Variants in KCNMA1 observed in about 807,000 individuals in gnomAD.
The protein encoded by KCNMA1 is potassium calcium-activated channel subfamily M alpha 1, also known as Calcium-activated potassium channel subunit alpha-1.
KCNMA1 carries 29 observed loss-of-function variants against 140.0 expected under a neutral mutation model. The observed-to-expected ratio is 0.21, with a 90% confidence interval of 0.15 to 0.28. The LOEUF (loss-of-function observed/expected upper bound fraction) is 0.28, where lower values mean the gene tolerates loss of function less well. Ranked by LOEUF, KCNMA1 falls within the 10% of genes least tolerant of loss-of-function variation. KCNMA1 has a pLI of 1.00. For missense variants in KCNMA1, 880 were observed against 1,602.2 expected (o/e 0.55, Z 7.70); for synonymous variants, 612 against 611.9 (o/e 1.00, Z 0.00).
chr10:77,519,057 A>G (rs1316281805), intron 1 of KCNMA1, among the ~76,000 whole-genome samples: 1 of 152,220 alleles, frequency 6.6e-6, no homozygotes, highest in African/African-American at 2.4e-5. Flanking sequence ...AGACAGTGCC[A>G]TTGGCTCCGT....
At chr10:77,141,113 G>T (rs913025310) in intron 5 of KCNMA1, among the ~76,000 whole-genome samples, 2 of 152,008 alleles carry the variant, frequency 1.3e-5, no homozygotes, top group African/African-American at 4.8e-5. Context: ...ACCCAAATAC[G>T]CAAATCCTCT....
chr10:76,988,546 C>T (rs568229241), intron 19 of KCNMA1, among the ~76,000 whole-genome samples: 2 of 152,174 alleles, frequency 1.3e-5, no homozygotes, highest in South Asian at 4.2e-4. Flanking sequence ...ACAATAACAA[C>T]AGAAAAAGAT....
At chr10:77,608,271 C>T (rs1299670878) in intron 1 of KCNMA1, among the ~76,000 whole-genome samples, 1 of 152,170 alleles carries the variant, frequency 6.6e-6, no homozygotes, top group Non-Finnish European at 1.5e-5. Flanking sequence ...CTCCCAGGCT[C>T]AAGCAATCAT....
At chr10:77,618,049 C>T (rs1417862519) in intron 1 of KCNMA1, among the ~76,000 whole-genome samples, 1 of 152,154 alleles carries the variant, frequency 6.6e-6, no homozygotes, top group Non-Finnish European at 1.5e-5. Flanking sequence ...ACTTCCATAA[C>T]TACCCCTACA....
At chr10:76,962,678 A>C (rs1039568066) in intron 20 of KCNMA1, among the ~76,000 whole-genome samples, 1 of 152,162 alleles carries the variant, frequency 6.6e-6, no homozygotes, top group Non-Finnish European at 1.5e-5. Context: ...CGGCAATAAT[A>C]ATTTCCATGT....
chr10:77,554,049 A>G (rs1445021574), intron 1 of KCNMA1, among the ~76,000 whole-genome samples: 1 of 151,952 alleles, frequency 6.6e-6, no homozygotes, highest in Non-Finnish European at 1.5e-5. Context: ...CACTGGCAAC[A>G]CAGAGTGGAA....
intron 2 of KCNMA1, among the ~76,000 whole-genome samples, chr10:77,393,255 G>A (rs549041622): frequency 6.9e-6 from 1 of 144,276 alleles, no homozygotes; most frequent in South Asian, 2.3e-4. Flanking sequence ...GAAGATGTCT[G>A]GGTTTGGGGA....
intron 24 of KCNMA1, chr10:76,913,868 A>T (rs1418912141): frequency 1.8e-6 from 1 of 566,310 alleles, no homozygotes; most frequent in Non-Finnish European, 3.1e-6. Context: ...GTGGGGAAAA[A>T]ATCATTAAGA....
chr10:76,958,144 G>T (rs1271487211), intron 20 of KCNMA1, among the ~76,000 whole-genome samples: 1 of 152,200 alleles, frequency 6.6e-6, no homozygotes, highest in Admixed American at 6.5e-5. Flanking sequence ...TGGGCCGTTT[G>T]TTGTATGGAA....
intron 15 of KCNMA1, among the ~76,000 whole-genome samples, chr10:77,033,565 A>C (rs2094104086): frequency 6.6e-6 from 1 of 152,196 alleles, no homozygotes; most frequent in Non-Finnish European, 1.5e-5. Flanking sequence ...AGTGTGAACA[A>C]CTGCATTTTT....
intron 1 of KCNMA1, among the ~76,000 whole-genome samples, chr10:77,462,738 A>G (rs924871950): frequency 5.3e-5 from 8 of 152,178 alleles, no homozygotes; most frequent in Non-Finnish European, 1.2e-4. Flanking sequence ...GAACACAACT[A>G]GTGCTCACGT....
chr10:77,637,612 T>TGCC lies in KCNMA1; in HGVS notation c.28_30dup (p.Gly10dup), dbSNP rs750804948. The TGCC allele has an allele frequency of 8.1e-5, 123 of 1,520,990 alleles. 1 individual carries two copies. The highest frequency in any genetic ancestry group is 5.5e-4 in the South Asian group (45 of 82,508). 94.2% of individuals were successfully genotyped at this position (1,520,990 alleles called of 1,614,324 possible). The stretch of plus-strand genomic sequence containing the variant: ...CCGCCGCCGCCGCCGCCGCCGCTGC[T>TGCC]GCCGCCGCCGCCGCCGCCACCATTT... On this transcript the variant is annotated inframe_insertion, in exon 1 of 28. Transcript: ENST00000286628.
At position 77,053,201 on chromosome 10, in the gene KCNMA1, G is replaced by A. The variant is rs185060586; in HGVS notation, c.1750-13564C>T. Among the ~76,000 whole-genome samples the A allele has an allele frequency of 2.2e-4, 34 of 152,264 alleles. No homozygotes were observed. The East Asian group carries it at 6.4e-3, about 29-fold the overall frequency. On this transcript the variant is annotated intron_variant, in intron 14 of 27. Coordinates refer to ENST00000286628, the MANE Select transcript of KCNMA1 (RefSeq NM_001161352.2). ...TCACCTGTCCCATGAGCAAGTTCAAGTCAATAATACATGTCTATCCACTGA... is the reference window on the plus strand; with the variant it reads ...TCACCTGTCCCATGAGCAAGTTCAAATCAATAATACATGTCTATCCACTGA...
chr10:77,560,631 G>A (rs953516435), intron 1 of KCNMA1, among the ~76,000 whole-genome samples: 1 of 152,192 alleles, frequency 6.6e-6, no homozygotes, highest in African/African-American at 2.4e-5. Context: ...TGGCTCCTCA[G>A]TTCCTAAGAG....
At chr10:77,066,835 T>C (rs886788644) in intron 14 of KCNMA1, among the ~76,000 whole-genome samples, 2 of 152,194 alleles carry the variant, frequency 1.3e-5, no homozygotes, top group Admixed American at 6.5e-5. Flanking sequence ...ACAAACTCTC[T>C]ACTCTGGTAC....
intron 2 of KCNMA1, among the ~76,000 whole-genome samples, chr10:77,324,940 A>ACTCTCTCTCTCT (rs3068755): frequency 0.015 from 1,369 of 93,026 alleles, 4 homozygotes; most frequent in Middle Eastern, 0.026. Flanking sequence ...ATAGCTCTAG[A>ACTCTCTCTCTCT]CTCTCTCTCT....
At position 77,228,146 on chromosome 10, in the gene KCNMA1, G is replaced by A. The variant is rs571471387; in HGVS notation, c.602+23049C>T. ...CGCCTGGCTAATTTTTATATTTTTC[G>A]TAGAGACGGGGTTTCACCATGTTGG... On this transcript the variant is annotated intron_variant, in intron 3 of 27. Transcript: ENST00000286628. Among the ~76,000 whole-genome samples the A allele has an allele frequency of 9.2e-5, 14 of 151,776 alleles. No individual in the cohort carries two copies. The South Asian group carries it at 1.0e-3, about 11-fold the overall frequency.
At chr10:77,136,818 T>C (rs2098046815) in intron 5 of KCNMA1, among the ~76,000 whole-genome samples, 1 of 152,230 alleles carries the variant, frequency 6.6e-6, no homozygotes, top group African/African-American at 2.4e-5. Context: ...TACTTATTGC[T>C]GTAGTCATAA....
chr10:77,152,610 G>GTC (rs1299140465), intron 5 of KCNMA1, among the ~76,000 whole-genome samples: 2 of 152,114 alleles, frequency 1.3e-5, no homozygotes, highest in African/African-American at 4.8e-5. Flanking sequence ...AGGGGGCTGG[G>GTC]GCATTGATCC....
Sources: allele counts gnomAD v4.1 joint callset (sites outside exome capture counted in the v4.1 genomes callset), GRCh38; gene constraint gnomAD v4.1.1; transcripts MANE v1.5; gene names NCBI Gene and HGNC (gene_info 2026-07-23, HGNC 2026-07-21).